ACAD9: variants seen among roughly 807,000 people sequenced by gnomAD.
ACAD9 encodes acyl-CoA dehydrogenase family member 9, also known as complex I assembly factor ACAD9, mitochondrial.
In ACAD9, 53 loss-of-function variants were observed where a neutral mutation model predicts 70.2. The observed-to-expected ratio is 0.75, with a 90% CI of 0.61 to 0.95. The LOEUF (loss-of-function observed/expected upper bound fraction) is 0.95, where lower values mean the gene tolerates loss of function less well. Among genes scored for constraint, ACAD9 ranks in the 40% least tolerant of loss-of-function variants. The pLI is 0.00. For synonymous variants in ACAD9, 313 were observed against 312.1 expected (o/e 1.00, Z -0.03); for missense variants, 777 against 802.8 (o/e 0.97, Z 0.39).
chr3:128,912,645 C>G lies in ACAD9; in HGVS notation c.*38C>G, dbSNP rs774900931. ...TGTCCCCTGCTACCGCCCGCCCCTA[C>G]CCATGGCCCGTTGCTGGATGACTGT... On this transcript the variant is annotated 3_prime_UTR_variant, in exon 18 of 18. Coordinates refer to ENST00000308982, the MANE Select transcript of ACAD9 (RefSeq NM_014049.5). 3 of 1,532,432 alleles carry G rather than the reference C, an allele frequency of 2.0e-6. No individual in the cohort carries two copies. Among genetic ancestry groups the G allele is most frequent in the African/African-American group, 2.7e-5 (2 of 73,256 alleles). The allele number at this position is 1,532,432 out of a possible 1,614,324, so 94.9% of individuals were successfully genotyped here.
Position 128,895,348 on chromosome 3 carries a change from G to C in ACAD9, c.385G>C (p.Gly129Arg). 6.2e-7 allele frequency: 1 copy of C among 1,612,964 alleles called. No homozygotes were observed. ...GFSNTMYSRLGEIISMDGSIT... is the reference protein window; with the variant it reads ...GFSNTMYSRLREIISMDGSIT... ...CTCCAACACCATGTACTCAAGACTAGGGGAGATCATCAGCATGGATGGGTC... is the reference window on the plus strand; with the variant it reads ...CTCCAACACCATGTACTCAAGACTACGGGAGATCATCAGCATGGATGGGTC... Residue 129 changes from glycine (G) to arginine (R), a missense_variant, in exon 4 of 18, where the codon GGG (glycine) becomes CGG (arginine). Physicochemically the swap from Gly to Arg is moderately radical, Grantham distance 125 (BLOSUM62 -2). Transcript: ENST00000308982.
chr3:128,887,904 C>CT (rs1441126507), intron 2 of ACAD9, among the ~76,000 whole-genome samples: 2 of 152,154 alleles, frequency 1.3e-5, no homozygotes, highest in East Asian at 3.9e-4. Flanking sequence ...GGAATGACAG[C>CT]TGTAGGCAGC....
intron 7 of ACAD9, among the ~76,000 whole-genome samples, chr3:128,900,460 G>A (rs143294265): frequency 2.0e-5 from 3 of 151,302 alleles, no homozygotes; most frequent in East Asian, 1.9e-4. Flanking sequence ...GGATGGCCTC[G>A]ATCTCCTGAC....
At chr3:128,912,402 T>C in intron 17 of ACAD9, 105 bp from the exon 18 acceptor site, 1 of 974,480 alleles carries the variant, frequency 1.0e-6, no homozygotes, top group Non-Finnish European at 1.6e-6. Flanking sequence ...TAGGGCTGCT[T>C]CATGGTGGGT....
chr3:128,903,058 A>G (rs566705762), intron 9 of ACAD9, among the ~76,000 whole-genome samples: 2 of 152,050 alleles, frequency 1.3e-5, no homozygotes, highest in East Asian at 1.9e-4. Flanking sequence ...GGGGAGTAGG[A>G]TCGGGTTTGG....
chr3:128,895,218 CT>C (rs1205958303), intron 3 of ACAD9, 91 bp from the exon 4 acceptor site: 1 of 976,756 alleles, frequency 1.0e-6, no homozygotes, highest in East Asian at 2.7e-5. Flanking sequence ...TCTGGCATTA[CT>C]TTATAATCAG....
At chr3:128,900,589 C>G (rs542447219) in intron 7 of ACAD9, among the ~76,000 whole-genome samples, 5 of 151,284 alleles carry the variant, frequency 3.3e-5, no homozygotes, top group South Asian at 4.2e-4. Context: ...TCTCGAACTC[C>G]TGGGTTCAAG....
intron 2 of ACAD9, among the ~76,000 whole-genome samples, chr3:128,893,265 A>T (rs959138893): frequency 2.0e-5 from 3 of 151,978 alleles, no homozygotes; most frequent in African/African-American, 7.3e-5. Context: ...CAGGAGGCTC[A>T]CTTGAGCCTG....
rs1553731035 is a variant in ACAD9, at chr3:128,899,523, G to GTGTGTGT, written c.808+62_808+63insTGTGTGT. ...TGTAAGGGGGAGACTGGCCTTTGAC[G>GTGTGTGT]GTGTGTGTGTGTGTGTGTGTGTGTG... is the stretch of plus-strand genomic sequence containing the variant. On this transcript the variant is annotated intron_variant, in intron 7 of 17. Coordinates refer to ENST00000308982, the MANE Select transcript of ACAD9 (RefSeq NM_014049.5). The GTGTGTGT allele has an allele frequency of 1.3e-4, 141 of 1,068,846 alleles. 1 individual carries two copies. The African/African-American group carries it at 2.2e-3, about 17-fold the overall frequency. 66.2% of individuals were successfully genotyped at this position (1,068,846 alleles called of 1,614,324 possible).
chr3:128,890,606 G>T (rs1238969026), intron 2 of ACAD9, among the ~76,000 whole-genome samples: 4 of 151,832 alleles, frequency 2.6e-5, no homozygotes, highest in African/African-American at 9.7e-5. Context: ...GGAGGCTGAG[G>T]CAGGAGAATG....
chr3:128,894,017 T>A (rs1245706047), intron 3 of ACAD9, among the ~76,000 whole-genome samples: 2 of 152,130 alleles, frequency 1.3e-5, no homozygotes, highest in Non-Finnish European at 2.9e-5. Context: ...CTTATTAGAG[T>A]TGGCCAGTCA....
chr3:128,885,401 T>G (rs1935215767), intron 2 of ACAD9, among the ~76,000 whole-genome samples: 1 of 152,176 alleles, frequency 6.6e-6, no homozygotes, highest in Non-Finnish European at 1.5e-5. Context: ...TATTTTACTT[T>G]ATTTTTTTGA....
At position 128,912,748 on chromosome 3, in the gene ACAD9, C is replaced by T; in HGVS notation, c.*141C>T. The T allele has an allele frequency of 1.2e-6, 1 of 842,402 alleles. No individual in the cohort carries two copies. Among genetic ancestry groups the T allele is most frequent in the Non-Finnish European group, 2.0e-6 (1 of 490,798 alleles). 52.2% of individuals were successfully genotyped at this position (842,402 alleles called of 1,614,324 possible). A position where few individuals can be genotyped will look rare whatever the true frequency, so the allele number is the denominator to read the frequency against. On this transcript the variant is annotated 3_prime_UTR_variant, in exon 18 of 18. Transcript: ENST00000308982. ...CCGTCTGCACCTGAAGGGTTGTCGCCTGGCCTGGGAGAGCCTCTTCCAGGT... is the reference window on the plus strand; with the variant it reads ...CCGTCTGCACCTGAAGGGTTGTCGCTTGGCCTGGGAGAGCCTCTTCCAGGT...
Position 128,895,422 on chromosome 3 carries a change from G to T in ACAD9, c.453+6G>T. ...ACCAGGCTATTGGCCTCAAGGTCAG[G>T]TATCTGGGGATTCTGTGTGGTGCTC... On this transcript the variant is annotated splice_donor_region_variant and intron_variant, in intron 4 of 17. Coordinates refer to ENST00000308982, the MANE Select transcript of ACAD9 (RefSeq NM_014049.5). 1.9e-6 allele frequency: 3 copies of T among 1,598,764 alleles called. No homozygotes were observed. The Middle Eastern group carries it at 5.0e-4, about 265-fold the overall frequency.
At chr3:128,910,365 C>G (rs1400014503) in intron 16 of ACAD9, 1 of 1,462,144 alleles carries the variant, frequency 6.8e-7, no homozygotes, top group East Asian at 2.5e-5. Flanking sequence ...GACAGGGGTT[C>G]CTGATCCCAG....
Position 128,908,957 on chromosome 3 carries a change from C to T in ACAD9, c.1359-16C>T, listed in dbSNP as rs1936010333. ...GCAGCGAGGCCTCCAGTCACAGGAC[C>T]ATGGACTTTCTGCAGTGAGCTTAAA... On this transcript the variant is annotated splice_polypyrimidine_tract_variant and intron_variant, in intron 13 of 17. Coordinates refer to ENST00000308982, the MANE Select transcript of ACAD9 (RefSeq NM_014049.5). 6.2e-7 allele frequency: 1 copy of T among 1,613,924 alleles called. No individual in the cohort carries two copies. Among genetic ancestry groups the T allele is most frequent in the South Asian group, 1.1e-5 (1 of 91,082 alleles).
At chr3:128,909,570 G>GACTT in intron 15 of ACAD9, 149 bp downstream of exon 15, 1 of 851,160 alleles carries the variant, frequency 1.2e-6, no homozygotes, top group Non-Finnish European at 1.9e-6. Flanking sequence ...AGGTCAGGCT[G>GACTT]ACTTTGTCAG....
At chr3:128,909,274 C>T in intron 14 of ACAD9, 70 bp from the exon 15 acceptor site, 1 of 1,598,172 alleles carries the variant, frequency 6.3e-7, no homozygotes, top group Non-Finnish European at 8.6e-7. Flanking sequence ...CTGCCTGGTA[C>T]CCGGGCTGTG....
intron 1 of ACAD9, among the ~76,000 whole-genome samples, chr3:128,881,848 TG>T (rs1935105259): frequency 6.6e-6 from 1 of 152,232 alleles, no homozygotes; most frequent in Admixed American, 6.5e-5. Context: ...CGCTAAACAG[TG>T]ACCAGTGTTT....
Sources: gnomAD v4.1 joint callset for allele counts (sites outside exome capture counted in the v4.1 genomes callset) on GRCh38, gnomAD v4.1.1 for gene constraint, MANE v1.5 for transcripts, NCBI Gene and HGNC (gene_info 2026-07-23, HGNC 2026-07-21) for gene names.